GABRG3: variants seen among roughly 807,000 people sequenced by gnomAD.
GABRG3 encodes the protein gamma-aminobutyric acid receptor subunit gamma-3.
GABRG3 carries 25 observed loss-of-function variants against 48.8 expected under a neutral mutation model. The ratio of observed to expected loss-of-function variants is 0.51; its 90% CI spans 0.37 to 0.72. The LOEUF (loss-of-function observed/expected upper bound fraction) is 0.72, where lower values mean the gene tolerates loss of function less well. Ranked by LOEUF, GABRG3 falls within the 30% of genes least tolerant of loss-of-function variation. The pLI is 0.00. For missense variants in GABRG3, 394 were observed against 577.9 expected (o/e 0.68, Z 3.26); for synonymous variants, 227 against 217.6 (o/e 1.04, Z -0.38).
At chr15:27,321,553 G>C (rs1357712812) in intron 3 of GABRG3, among the ~76,000 whole-genome samples, 1 of 152,246 alleles carries the variant, frequency 6.6e-6, no homozygotes, top group Non-Finnish European at 1.5e-5. Flanking sequence ...TACATTGTTA[G>C]ATAAGAAACC....
At chr15:27,216,205 G>C (rs762136872) in intron 3 of GABRG3, among the ~76,000 whole-genome samples, 1 of 152,220 alleles carries the variant, frequency 6.6e-6, no homozygotes, top group Non-Finnish European at 1.5e-5. Context: ...GACCAAATTC[G>C]GGTGCAGGGC....
At chr15:27,361,997 C>T (rs1314370562) in intron 5 of GABRG3, among the ~76,000 whole-genome samples, 3 of 152,160 alleles carry the variant, frequency 2.0e-5, no homozygotes, top group East Asian at 3.8e-4. Context: ...TTAATATATA[C>T]ATGTATATCT....
At chr15:27,466,353 T>C (rs538799690) in intron 5 of GABRG3, among the ~76,000 whole-genome samples, 1 of 152,326 alleles carries the variant, frequency 6.6e-6, no homozygotes, top group African/African-American at 2.4e-5. Flanking sequence ...GGGACATTGG[T>C]GTGACATATG....
chr15:27,532,868 A>G lies in GABRG3; in HGVS notation c.1391A>G (p.Tyr464Cys). 1 of 1,613,774 alleles carries G rather than the reference A, an allele frequency of 6.2e-7. No individual in the cohort carries two copies. The highest frequency in any genetic ancestry group is 1.1e-5 in the South Asian group (1 of 91,064). Reference protein sequence around the residue: ...LLFNLVYWVGYLYL With the variant: ...LLFNLVYWVGCLYL Reference sequence around the variant, plus strand: ...TTTAACCTGGTCTACTGGGTTGGATACCTGTATCTCTAAGTGTTGCTCAGA... The same window carrying G: ...TTTAACCTGGTCTACTGGGTTGGATGCCTGTATCTCTAAGTGTTGCTCAGA... Residue 464 changes from tyrosine (Y) to cysteine (C), a missense_variant, in exon 10 of 10, where the codon TAC (tyrosine) becomes TGC (cysteine). Around this residue, in one of 3 missense-constraint regions of GABRG3, gnomAD observed 126 missense variants for 155.5 expected, o/e 0.81. Coordinates refer to ENST00000615808, the MANE Select transcript of GABRG3 (RefSeq NM_033223.5).
chr15:27,350,595 C>CAGGGAGTCTGG (rs894962591), intron 5 of GABRG3, among the ~76,000 whole-genome samples: 4 of 152,138 alleles, frequency 2.6e-5, no homozygotes, highest in African/African-American at 7.2e-5. Context: ...TCTCTACGTC[C>CAGGGAGTCTGG]AGGGAGTCTG....
chr15:27,489,341 G>A (rs1294575446), intron 6 of GABRG3, among the ~76,000 whole-genome samples: 4 of 152,132 alleles, frequency 2.6e-5, no homozygotes, highest in African/African-American at 7.2e-5. Flanking sequence ...ATAAACATAC[G>A]TGTGCTTGTG....
chr15:27,271,717 C>T (rs1595627629), intron 3 of GABRG3: 2 of 436,536 alleles, frequency 4.6e-6, no homozygotes, highest in Non-Finnish European at 9.2e-6. Flanking sequence ...CCAGAGGGAC[C>T]TCCTGCACCA....
chr15:27,040,170 C>A (rs1384728796), intron 3 of GABRG3, among the ~76,000 whole-genome samples: 2 of 152,260 alleles, frequency 1.3e-5, no homozygotes, highest in African/African-American at 4.8e-5. Context: ...CCAGAGGACG[C>A]ATTTCCACTT....
At chr15:27,523,175 C>T (rs1891197227) in intron 7 of GABRG3, among the ~76,000 whole-genome samples, 1 of 151,610 alleles carries the variant, frequency 6.6e-6, no homozygotes, top group Non-Finnish European at 1.5e-5. Flanking sequence ...TTTCTCAGAC[C>T]AGAAAGTGAA....
intron 5 of GABRG3, among the ~76,000 whole-genome samples, chr15:27,410,355 T>C (rs1242142128): frequency 1.3e-5 from 2 of 152,174 alleles, no homozygotes; most frequent in Non-Finnish European, 2.9e-5. Context: ...ATAGTTTTTT[T>C]GTACTTTTTT....
At chr15:27,218,089 A>G (rs1368032471) in intron 3 of GABRG3, among the ~76,000 whole-genome samples, 1 of 152,138 alleles carries the variant, frequency 6.6e-6, no homozygotes, top group Non-Finnish European at 1.5e-5. Context: ...AGCTCGCTGT[A>G]GCCTCCACCC....
intron 5 of GABRG3, among the ~76,000 whole-genome samples, chr15:27,349,457 T>C (rs2140534645): frequency 6.6e-6 from 1 of 152,294 alleles, no homozygotes; most frequent in East Asian, 1.9e-4. Context: ...GAGACACTCT[T>C]CTAGACTAGG....
chr15:27,530,690 G>A lies in GABRG3; in HGVS notation c.1123-1910G>A, dbSNP rs535465603. 103 of 471,090 alleles carry A rather than the reference G, an allele frequency of 2.2e-4. No homozygotes were observed. The East Asian group carries it at 4.3e-3, about 20-fold the overall frequency. 29.2% of individuals were successfully genotyped at this position (471,090 alleles called of 1,614,324 possible). A position where few individuals can be genotyped will look rare whatever the true frequency, so the allele number is the denominator to read the frequency against. On this transcript the variant is annotated intron_variant, in intron 9 of 9. Transcript: ENST00000615808. ...CTGGTGAGCCATCCCCGCATCAGCA[G>A]AGCCTTCTGCCTCCCCGTCTAAGTC...
chr15:27,077,117 C>T (rs1487573114), intron 3 of GABRG3, among the ~76,000 whole-genome samples: 2 of 152,166 alleles, frequency 1.3e-5, no homozygotes, highest in Non-Finnish European at 2.9e-5. Flanking sequence ...TTTTCCTGAA[C>T]AGACCACACA....
At chr15:27,290,964 C>G (rs548062565) in intron 3 of GABRG3, among the ~76,000 whole-genome samples, 34 of 152,112 alleles carry the variant, frequency 2.2e-4, no homozygotes, top group Non-Finnish European at 4.3e-4. Flanking sequence ...AAATCTAAAA[C>G]TCTTATAAAA....
chr15:27,185,110 T>G (rs962620772), intron 3 of GABRG3, among the ~76,000 whole-genome samples: 3 of 152,154 alleles, frequency 2.0e-5, no homozygotes, highest in Admixed American at 1.3e-4. Flanking sequence ...TTCATGTTGC[T>G]TGACATAATA....
At chr15:27,174,408 C>T (rs1290991646) in intron 3 of GABRG3, among the ~76,000 whole-genome samples, 1 of 152,146 alleles carries the variant, frequency 6.6e-6, no homozygotes, top group East Asian at 1.9e-4. Context: ...CTTTTAATAG[C>T]CAGAATCCTT....
intron 5 of GABRG3, among the ~76,000 whole-genome samples, chr15:27,439,740 C>T (rs976126433): frequency 3.9e-5 from 6 of 152,126 alleles, no homozygotes; most frequent in African/African-American, 9.7e-5. Context: ...GCTGCAGGCA[C>T]GTTCTATTTT....
chr15:27,430,993 A>C lies in GABRG3; in HGVS notation c.575-49657A>C, dbSNP rs527851375. Among the ~76,000 whole-genome samples the C allele has an allele frequency of 4.4e-3, 405 of 92,226 alleles. 1 individual carries two copies. Among genetic ancestry groups the C allele is most frequent in the African/African-American group, 0.022 (387 of 17,590 alleles). The allele number at this position is 92,226 out of a possible 152,430, so 60.5% of individuals were successfully genotyped here. On this transcript the variant is annotated intron_variant, in intron 5 of 9. Coordinates refer to ENST00000615808, the MANE Select transcript of GABRG3 (RefSeq NM_033223.5). ...TGACAGAGCAAGTCCCTGTCTCAAT[A>C]AATAAATAAATAAATAAATAAATAA... is the stretch of plus-strand genomic sequence containing the variant.
Sources: allele counts gnomAD v4.1 joint callset (sites outside exome capture counted in the v4.1 genomes callset), GRCh38; gene constraint gnomAD v4.1.1; regional missense constraint gnomAD v4.1.1; transcripts MANE v1.5; gene names NCBI Gene and HGNC (gene_info 2026-07-23, HGNC 2026-07-21).